The following SORCS2 variants were observed in gnomAD, a reference collection of about 807,000 sequenced individuals.
SORCS2 encodes VPS10 domain-containing receptor SorCS2.
In SORCS2, 100 loss-of-function variants were observed where a neutral mutation model predicts 141.6. The observed-to-expected ratio is 0.71, with a 90% CI of 0.60 to 0.83. SORCS2 has a LOEUF of 0.83. SORCS2 is among the 40% of genes least tolerant of loss of function. The pLI is 0.00. For synonymous variants in SORCS2, 789 were observed against 676.9 expected, an observed-to-expected ratio of 1.17 and a Z score of -2.57; for missense variants, 1,646 against 1,560.2, an observed-to-expected ratio of 1.05 and a Z score of -0.93.
chr4:7,472,175 C>G (rs761219784), intron 2 of SORCS2, among the ~76,000 whole-genome samples: 1 of 152,144 alleles, frequency 6.6e-6, no homozygotes, highest in Admixed American at 6.5e-5. Context: ...GCTGCAGGCA[C>G]AGAGGGGCCT....
Position 7,607,937 on chromosome 4 carries a change from G to A in SORCS2, c.649-30391G>A, listed in dbSNP as rs182076927. Among the ~76,000 whole-genome samples, 3 of 152,280 alleles carry A rather than the reference G, an allele frequency of 2.0e-5. No homozygotes were observed. The East Asian group carries it at 5.8e-4, about 30-fold the overall frequency. On this transcript the variant is annotated intron_variant, in intron 3 of 26. Coordinates refer to ENST00000507866, the MANE Select transcript of SORCS2 (RefSeq NM_020777.3). ...GTCCCCGGCTGGCCGTGAGTGAGTT[G>A]CGGTTCCCCTGTGCTTTGGTTTGGG...
At chr4:7,256,206 G>A (rs991661232) in intron 1 of SORCS2, among the ~76,000 whole-genome samples, 2 of 152,164 alleles carry the variant, frequency 1.3e-5, no homozygotes, top group African/African-American at 4.8e-5. Flanking sequence ...AGAGTGGGGA[G>A]AGCGTGCCTG....
intron 3 of SORCS2, among the ~76,000 whole-genome samples, chr4:7,636,892 G>A (rs1399504585): frequency 6.6e-6 from 1 of 152,094 alleles, no homozygotes; most frequent in African/African-American, 2.4e-5. Context: ...GTGTCGGCCA[G>A]GCTGGTTCCT....
chr4:7,347,472 T>C (rs560107919), intron 1 of SORCS2, among the ~76,000 whole-genome samples: 1 of 152,340 alleles, frequency 6.6e-6, no homozygotes, highest in African/African-American at 2.4e-5. Flanking sequence ...AGCCTCGTGA[T>C]GACCCAGTGA....
At chr4:7,321,919 G>T (rs970823649) in intron 1 of SORCS2, among the ~76,000 whole-genome samples, 7 of 152,202 alleles carry the variant, frequency 4.6e-5, no homozygotes, top group African/African-American at 1.7e-4. Flanking sequence ...GCAAGGGGCA[G>T]CCATGGGGGA....
chr4:7,322,859 T>C (rs1368422787), intron 1 of SORCS2, among the ~76,000 whole-genome samples: 1 of 152,184 alleles, frequency 6.6e-6, no homozygotes, highest in Admixed American at 6.5e-5. Context: ...TCAAGAGCAC[T>C]GACCAGCTGC....
chr4:7,506,486 C>T (rs1180389446), intron 2 of SORCS2, among the ~76,000 whole-genome samples: 2 of 152,092 alleles, frequency 1.3e-5, no homozygotes, highest in Non-Finnish European at 2.9e-5. Flanking sequence ...ATCCACCCAC[C>T]CACCCACTCA....
At chr4:7,486,723 G>A (rs1192746134) in intron 2 of SORCS2, among the ~76,000 whole-genome samples, 1 of 152,098 alleles carries the variant, frequency 6.6e-6, no homozygotes, top group Non-Finnish European at 1.5e-5. Flanking sequence ...TGGCTCTTCC[G>A]GCTTCTAGTG....
chr4:7,503,317 A>T (rs1466299066), intron 2 of SORCS2, among the ~76,000 whole-genome samples: 2 of 152,226 alleles, frequency 1.3e-5, no homozygotes, highest in Non-Finnish European at 2.9e-5. Flanking sequence ...CGAGTTAGAA[A>T]TGAGTAACAG....
chr4:7,530,559 T>A (rs746683876), intron 2 of SORCS2, among the ~76,000 whole-genome samples: 1 of 152,218 alleles, frequency 6.6e-6, no homozygotes, highest in Non-Finnish European at 1.5e-5. Context: ...AGGGGTGAGA[T>A]GTGAAATGCT....
chr4:7,461,017 A>G (rs368406523), intron 2 of SORCS2, among the ~76,000 whole-genome samples: 1 of 151,802 alleles, frequency 6.6e-6, no homozygotes, highest in African/African-American at 2.4e-5. Context: ...CTGCCCGGGG[A>G]GTGTCAGAAA....
intron 2 of SORCS2, among the ~76,000 whole-genome samples, chr4:7,489,181 A>T (rs1163586773): frequency 2.0e-5 from 3 of 152,090 alleles, no homozygotes; most frequent in Non-Finnish European, 4.4e-5. Context: ...GGACCCTCTC[A>T]TTTGGTTCCT....
chr4:7,637,393 C>T (rs1577876321), intron 3 of SORCS2, among the ~76,000 whole-genome samples: 1 of 152,236 alleles, frequency 6.6e-6, no homozygotes, highest in Admixed American at 6.5e-5. Flanking sequence ...CCGTCACTCT[C>T]TCCCCGTCCG....
chr4:7,528,049 CTCTG>C (rs1196192314), intron 2 of SORCS2, among the ~76,000 whole-genome samples: 2 of 151,598 alleles, frequency 1.3e-5, no homozygotes, highest in African/African-American at 2.4e-5. Context: ...CTCTGTCTCT[CTCTG>C]TCTCTCTCTC....
intron 4 of SORCS2, among the ~76,000 whole-genome samples, chr4:7,652,076 A>C (rs1301896224): frequency 6.6e-6 from 1 of 152,186 alleles, no homozygotes; most frequent in Non-Finnish European, 1.5e-5. Flanking sequence ...GAATGGCACT[A>C]TGAAGTCCCA....
chr4:7,229,807 G>A (rs1368412741), intron 1 of SORCS2, among the ~76,000 whole-genome samples: 1 of 151,636 alleles, frequency 6.6e-6, no homozygotes, highest in Non-Finnish European at 1.5e-5. Context: ...CAGTGTCTGG[G>A]CAGGAGCAGT....
intron 3 of SORCS2, among the ~76,000 whole-genome samples, chr4:7,625,983 T>G (rs77236060): frequency 6.6e-6 from 1 of 151,736 alleles, no homozygotes; most frequent in Non-Finnish European, 1.5e-5. Flanking sequence ...TACAAAAAAA[T>G]TAAACAAAAT....
At chr4:7,649,928 A>T (rs956729926) in intron 4 of SORCS2, among the ~76,000 whole-genome samples, 15 of 152,150 alleles carry the variant, frequency 9.9e-5, no homozygotes, top group Admixed American at 9.8e-4. Flanking sequence ...GCACAGAAGA[A>T]GTCAGTTGTG....
chr4:7,515,104 T>C (rs927698176), intron 2 of SORCS2, among the ~76,000 whole-genome samples: 1 of 152,074 alleles, frequency 6.6e-6, no homozygotes, highest in South Asian at 2.1e-4. Context: ...ACCCACCACA[T>C]CCCAGCCAGT....
Sources: gnomAD v4.1 joint callset for allele counts (sites outside exome capture counted in the v4.1 genomes callset) on GRCh38, gnomAD v4.1.1 for gene constraint, MANE v1.5 for transcripts, NCBI Gene and HGNC (gene_info 2026-07-23, HGNC 2026-07-21) for gene names.